CCDC30: variants seen among roughly 807,000 people sequenced by gnomAD.
CCDC30 encodes the protein coiled-coil domain-containing protein 30.
CCDC30 carries 70 observed loss-of-function variants against 100.2 expected under a neutral mutation model. The observed-to-expected ratio is 0.70, with a 90% CI of 0.58 to 0.85. The LOEUF (loss-of-function observed/expected upper bound fraction) is 0.85. Among genes scored for constraint, CCDC30 ranks in the 40% least tolerant of loss-of-function variants. The pLI, the probability that CCDC30 is intolerant of heterozygous loss-of-function variation, is 0.00. For missense variants in CCDC30, 652 were observed against 771.2 expected, an observed-to-expected ratio of 0.85 and a Z score of 1.83; for synonymous variants, 233 against 269.5, an observed-to-expected ratio of 0.86 and a Z score of 1.33.
chr1:42,517,246 G>A (rs1320194998), intron 6 of CCDC30, among the ~76,000 whole-genome samples: 1 of 152,096 alleles, frequency 6.6e-6, no homozygotes, highest in African/African-American at 2.4e-5. Context: ...ACCATGCCTA[G>A]CTAATTAAAA....
chr1:42,466,299 C>T (rs1235456426), intron 1 of CCDC30, among the ~76,000 whole-genome samples: 1 of 152,170 alleles, frequency 6.6e-6, no homozygotes, highest in Non-Finnish European at 1.5e-5. Flanking sequence ...GTCCTGGCCC[C>T]TGCAATGCAG....
At chr1:42,612,611 T>G (rs1646647012) in intron 11 of CCDC30, among the ~76,000 whole-genome samples, 1 of 152,228 alleles carries the variant, frequency 6.6e-6, no homozygotes, top group Admixed American at 6.5e-5. Context: ...CAGAGACTTC[T>G]TGGGGGTCTC....
chr1:42,545,660 CA>C, intron 6 of CCDC30, 81 bp downstream of exon 9: 1 of 1,317,098 alleles, frequency 7.6e-7, no homozygotes, highest in South Asian at 1.4e-5. Context: ...AAGAATTTGA[CA>C]TTCGGCTGGG....
At chr1:42,458,519 G>A (rs1036485562), upstream of CCDC30, among the ~76,000 whole-genome samples, 2 of 152,158 alleles carry the variant, frequency 1.3e-5, no homozygotes, top group African/African-American at 2.4e-5. Flanking sequence ...AACATACCCT[G>A]CCTTTGTGTT....
intron 15 of CCDC30, among the ~76,000 whole-genome samples, chr1:42,650,916 C>G (rs978513683): frequency 6.6e-6 from 1 of 152,122 alleles, no homozygotes; most frequent in African/African-American, 2.4e-5. Context: ...GTGTCAGACA[C>G]CACACCTGGC....
chr1:42,590,016 G>GT (rs1275482759), intron 10 of CCDC30: 1 of 152,504 alleles, frequency 6.6e-6, no homozygotes, highest in East Asian at 1.9e-4. Flanking sequence ...ACAGGAGGTG[G>GT]TTTTGTCATG....
chr1:42,637,522 G>A, intron 12 of CCDC30, 144 bp downstream of exon 16: 1 of 753,898 alleles, frequency 1.3e-6, no homozygotes, highest in Non-Finnish European at 2.1e-6. Context: ...CTTTCAATAA[G>A]TAATTCTTTA....
intron 3 of CCDC30, among the ~76,000 whole-genome samples, chr1:42,486,399 C>A (rs916534064): frequency 6.6e-6 from 1 of 152,162 alleles, no homozygotes. Flanking sequence ...ATTCCTTAAC[C>A]AATAGTGGCT....
chr1:42,536,891 G>T (rs1019037878), intron 6 of CCDC30: 7 of 384,474 alleles, frequency 1.8e-5, no homozygotes, highest in Non-Finnish European at 3.3e-5. Context: ...GCAAGCTCTG[G>T]TGTCTCTTCC....
intron 15 of CCDC30, among the ~76,000 whole-genome samples, chr1:42,648,975 A>G (rs1648113682): frequency 6.6e-6 from 1 of 152,206 alleles, no homozygotes; most frequent in African/African-American, 2.4e-5. Context: ...CTAGAAACAT[A>G]CAACCTACCA....
intron 12 of CCDC30, among the ~76,000 whole-genome samples, chr1:42,641,255 G>A (rs935595935): frequency 3.8e-4 from 57 of 150,756 alleles, no homozygotes; most frequent in African/African-American, 1.3e-3. Context: ...GTGTGTGTGT[G>A]TGTGTGGAGA....
At chr1:42,548,580 G>A (rs1056474885) in intron 6 of CCDC30, among the ~76,000 whole-genome samples, 19 of 152,120 alleles carry the variant, frequency 1.2e-4, no homozygotes, top group African/African-American at 3.4e-4. Context: ...ATATAAAAAG[G>A]AAAAGCTGGA....
chr1:42,483,798 A>T (rs1430319162), intron 3 of CCDC30, among the ~76,000 whole-genome samples: 1 of 152,076 alleles, frequency 6.6e-6, no homozygotes, highest in Non-Finnish European at 1.5e-5. Context: ...TTTTTTTACC[A>T]TAAATGCTAA....
At chr1:42,569,074 C>T (rs1376506343) in intron 7 of CCDC30, 3 of 151,942 alleles carry the variant, frequency 2.0e-5, no homozygotes, top group African/African-American at 7.3e-5. Flanking sequence ...TGGAATGATA[C>T]AGAGAAGATT....
chr1:42,638,565 A>G (rs963273610), intron 12 of CCDC30, among the ~76,000 whole-genome samples: 5 of 150,702 alleles, frequency 3.3e-5, no homozygotes, highest in Non-Finnish European at 5.9e-5. Flanking sequence ...TGGGCAAAAA[A>G]AAAAAAAAAA....
chr1:42,606,098 C>T (rs1420856619), intron 10 of CCDC30, among the ~76,000 whole-genome samples: 1 of 152,160 alleles, frequency 6.6e-6, no homozygotes, highest in African/African-American at 2.4e-5. Context: ...ATAAAGTTAA[C>T]ATTTATGAAA....
intron 6 of CCDC30, among the ~76,000 whole-genome samples, chr1:42,528,694 A>C (rs1483182569): frequency 6.6e-6 from 1 of 152,226 alleles, no homozygotes. Context: ...ATGCTCAGTC[A>C]TTCACTGGAG....
intron 6 of CCDC30, among the ~76,000 whole-genome samples, chr1:42,510,656 CA>C (rs112722955): frequency 0.042 from 5,227 of 124,100 alleles, 135 homozygotes; most frequent in African/African-American, 0.094. Flanking sequence ...GACTCCGTTT[CA>C]AAAAAAAAAA....
At chr1:42,614,527 C>T (rs1297199858) in intron 11 of CCDC30, among the ~76,000 whole-genome samples, 5 of 151,710 alleles carry the variant, frequency 3.3e-5, no homozygotes. Context: ...TGGCTTATGC[C>T]TGTAATCCCA....
Sources: gnomAD v4.1 joint callset for allele counts (sites outside exome capture counted in the v4.1 genomes callset) on GRCh38, gnomAD v4.1.1 for gene constraint, MANE v1.5 for transcripts, NCBI Gene and HGNC (gene_info 2026-07-23, HGNC 2026-07-21) for gene names.